Variants in ACTR3C observed in about 807,000 individuals in gnomAD.
ACTR3C encodes actin related protein 3C.
In ACTR3C, 18 loss-of-function variants were observed where a neutral mutation model predicts 26.3. That is an observed-to-expected ratio of 0.68 (90% CI 0.47 to 1.01). The LOEUF is 1.01. ACTR3C is among the 50% of genes least tolerant of loss of function. The probability of loss-of-function intolerance (pLI) is 0.00; values close to 1 mark genes in which losing one functional copy is unlikely to be tolerated. For synonymous variants in ACTR3C, 55 were observed against 94.5 expected, an observed-to-expected ratio of 0.58 and a Z score of 2.42; for missense variants, 184 against 250.7, an observed-to-expected ratio of 0.73 and a Z score of 1.80.
At chr7:150,315,015 A>G (rs748571670) in intron 1 of ACTR3C, among the ~76,000 whole-genome samples, 41 of 147,078 alleles carry the variant, frequency 2.8e-4, no homozygotes, top group Non-Finnish European at 4.9e-4. Flanking sequence ...ATTAAATAAT[A>G]AAATAATATT....
the ACTR3C span, among the ~76,000 whole-genome samples, chr7:150,035,682 C>A: frequency 7.3e-5 from 10 of 137,664 alleles, 1 homozygote; most frequent in Admixed American, 4.2e-4. Context: ...TCCTAAGGAT[C>A]TTAGGATCAG....
the ACTR3C span, among the ~76,000 whole-genome samples, chr7:149,887,065 A>C: frequency 1.1e-4 from 16 of 152,336 alleles, no homozygotes; most frequent in Non-Finnish European, 2.1e-4. Context: ...AAACACATAC[A>C]AAATGGAAAG....
At chr7:150,095,344 G>C in the ACTR3C span, among the ~76,000 whole-genome samples, 1 of 150,416 alleles carries the variant, frequency 6.6e-6, no homozygotes, top group African/African-American at 2.5e-5. Flanking sequence ...CGGCCCCTGA[G>C]CAAAGCCAGG....
the ACTR3C span, among the ~76,000 whole-genome samples, chr7:149,994,101 A>G: frequency 6.6e-6 from 1 of 152,216 alleles, no homozygotes; most frequent in Non-Finnish European, 1.5e-5. Flanking sequence ...TTGTCCATTC[A>G]GTTATCCTCT....
the ACTR3C span, among the ~76,000 whole-genome samples, chr7:150,032,806 T>G: frequency 9.2e-5 from 14 of 152,194 alleles, no homozygotes; most frequent in South Asian, 2.9e-3. Flanking sequence ...TTTTTTTTTC[T>G]CTGTAGGTCG....
the ACTR3C span, among the ~76,000 whole-genome samples, chr7:149,970,062 A>G: frequency 6.6e-6 from 1 of 152,154 alleles, no homozygotes; most frequent in Non-Finnish European, 1.5e-5. Flanking sequence ...AATTACACAG[A>G]AAGTCTTTAA....
At chr7:149,964,414 T>C in the ACTR3C span, among the ~76,000 whole-genome samples, 1 of 152,030 alleles carries the variant, frequency 6.6e-6, no homozygotes, top group African/African-American at 2.4e-5. Context: ...GGTGTCGTCA[T>C]GGGAAGTGAG....
At chr7:150,270,540 C>T (rs1391411497) in intron 6 of ACTR3C, among the ~76,000 whole-genome samples, 4 of 150,044 alleles carry the variant, frequency 2.7e-5, no homozygotes, top group South Asian at 2.1e-4. Flanking sequence ...CTCTCGGTCA[C>T]GTGGCATCCA....
At chr7:150,169,915 CTCT>C in the ACTR3C span, among the ~76,000 whole-genome samples, 1 of 150,462 alleles carries the variant, frequency 6.6e-6, no homozygotes, top group Admixed American at 6.6e-5. Context: ...TTTTCTTCTT[CTCT>C]TCTTCCTTCA....
At chr7:150,225,449 G>A in the ACTR3C span, among the ~76,000 whole-genome samples, 1 of 152,146 alleles carries the variant, frequency 6.6e-6, no homozygotes. Context: ...CTCCAACAGT[G>A]GTAAATCTGG....
chr7:150,191,712 C>G, the ACTR3C span, among the ~76,000 whole-genome samples: 228 of 152,206 alleles, frequency 1.5e-3, no homozygotes, highest in African/African-American at 5.3e-3. Flanking sequence ...CTTTTCCTGA[C>G]TTCTCTACCA....
the ACTR3C span, among the ~76,000 whole-genome samples, chr7:149,988,719 T>C: frequency 4.1e-4 from 63 of 152,160 alleles, no homozygotes; most frequent in Non-Finnish European, 7.9e-4. Context: ...AGAGAGTTAA[T>C]GCATCATCCT....
chr7:149,947,841 A>T, the ACTR3C span, among the ~76,000 whole-genome samples: 1 of 144,886 alleles, frequency 6.9e-6, no homozygotes, highest in Non-Finnish European at 1.5e-5. Context: ...GTTTCTGCCC[A>T]GTATAGGTCT....
At chr7:150,096,289 T>C in the ACTR3C span, among the ~76,000 whole-genome samples, 2,203 of 149,496 alleles carry the variant, frequency 0.015, 120 homozygotes, top group African/African-American at 0.053. Context: ...CTCAATTAAT[T>C]TGGAGTTTAC....
At chr7:149,938,701 G>A in the ACTR3C span, among the ~76,000 whole-genome samples, 1 of 151,994 alleles carries the variant, frequency 6.6e-6, no homozygotes, top group Non-Finnish European at 1.5e-5. Context: ...AAAGCTCTAG[G>A]TCTCTAAATT....
At chr7:150,228,620 A>G in the ACTR3C span, among the ~76,000 whole-genome samples, 1 of 152,094 alleles carries the variant, frequency 6.6e-6, no homozygotes, top group Non-Finnish European at 1.5e-5. Context: ...CAAGGAATAC[A>G]GGTGGCCTCT....
chr7:150,237,623 T>C, the ACTR3C span, among the ~76,000 whole-genome samples: 2 of 152,130 alleles, frequency 1.3e-5, no homozygotes, highest in South Asian at 2.1e-4. Flanking sequence ...AGAGGAACAA[T>C]GAAGGCCTCT....
chr7:149,974,210 A>C, the ACTR3C span, among the ~76,000 whole-genome samples: 1 of 131,448 alleles, frequency 7.6e-6, no homozygotes, highest in Non-Finnish European at 1.6e-5. Context: ...TATTGTTGCC[A>C]ATTATTACAG....
At chr7:149,908,970 C>T in the ACTR3C span, among the ~76,000 whole-genome samples, 215 of 151,954 alleles carry the variant, frequency 1.4e-3, no homozygotes, top group African/African-American at 5.0e-3. Context: ...TTGATAGAGA[C>T]GGGGTTCCAA....
Sources: allele counts gnomAD v4.1 joint callset (sites outside exome capture counted in the v4.1 genomes callset), GRCh38; gene constraint gnomAD v4.1.1; transcripts MANE v1.5; gene names NCBI Gene and HGNC (gene_info 2026-07-23, HGNC 2026-07-21).